KIAA1328: variants seen among roughly 807,000 people sequenced by gnomAD.
KIAA1328 encodes KIAA1328, also known as protein hinderin.
In KIAA1328, 52 loss-of-function variants were observed where a neutral mutation model predicts 68.1. The ratio of observed to expected loss-of-function variants is 0.76; its 90% CI spans 0.61 to 0.96. The LOEUF (loss-of-function observed/expected upper bound fraction) is 0.96, where lower values mean the gene tolerates loss of function less well. Among genes scored for constraint, KIAA1328 ranks in the 40% least tolerant of loss-of-function variants. KIAA1328 has a pLI of 0.00. For synonymous variants in KIAA1328, 232 were observed against 239.4 expected (o/e 0.97, Z 0.28); for missense variants, 641 against 677.6 (o/e 0.95, Z 0.60).
chr18:37,164,908 C>T (rs2059355755), intron 8 of KIAA1328, among the ~76,000 whole-genome samples: 1 of 152,036 alleles, frequency 6.6e-6, no homozygotes, highest in African/African-American at 2.4e-5. Flanking sequence ...TATGTACACC[C>T]GTGTAACCAC....
intron 7 of KIAA1328, among the ~76,000 whole-genome samples, chr18:37,109,590 G>T (rs2057871835): frequency 6.6e-6 from 1 of 152,104 alleles, no homozygotes. Flanking sequence ...GTGTATGAAA[G>T]TAGGGGTTAG....
intron 3 of KIAA1328, among the ~76,000 whole-genome samples, chr18:36,835,848 T>C (rs1400954197): frequency 6.6e-6 from 1 of 152,194 alleles, no homozygotes; most frequent in African/African-American, 2.4e-5. Flanking sequence ...TAATTTTTGT[T>C]ATATTTTCCC....
At chr18:37,054,401 G>A (rs1230321929) in intron 6 of KIAA1328, among the ~76,000 whole-genome samples, 2 of 152,068 alleles carry the variant, frequency 1.3e-5, no homozygotes, top group South Asian at 2.1e-4. Flanking sequence ...GCAAAGGTGT[G>A]GAATCAACCT....
intron 9 of KIAA1328, among the ~76,000 whole-genome samples, chr18:37,213,004 C>A (rs1481860446): frequency 6.6e-6 from 1 of 152,208 alleles, no homozygotes; most frequent in African/African-American, 2.4e-5. Flanking sequence ...CAGGCGTGCG[C>A]CACTGCACAC....
At chr18:36,951,135 C>A (rs887512768) in intron 5 of KIAA1328, among the ~76,000 whole-genome samples, 1 of 152,174 alleles carries the variant, frequency 6.6e-6, no homozygotes, top group Non-Finnish European at 1.5e-5. Context: ...ACAGTTGGAA[C>A]ATTCCTTTCT....
chr18:36,954,710 T>TC (rs2051330498), intron 5 of KIAA1328, among the ~76,000 whole-genome samples: 1 of 151,974 alleles, frequency 6.6e-6, no homozygotes, highest in Non-Finnish European at 1.5e-5. Context: ...TTTTTTCTTT[T>TC]TGAGACGGAG....
chr18:37,066,794 C>A, intron 6 of KIAA1328, 96 bp from the exon 7 acceptor site: 1 of 1,160,780 alleles, frequency 8.6e-7, no homozygotes, highest in Non-Finnish European at 1.2e-6. Context: ...ACAGCTTTGG[C>A]TTGGTAAATA....
chr18:37,218,546 G>T (rs1169550936), intron 9 of KIAA1328, among the ~76,000 whole-genome samples: 1 of 152,068 alleles, frequency 6.6e-6, no homozygotes, highest in Non-Finnish European at 1.5e-5. Flanking sequence ...ACAAGGTTAG[G>T]CGTTACACAT....
intron 7 of KIAA1328, among the ~76,000 whole-genome samples, chr18:37,085,908 A>G (rs544207412): frequency 4.6e-5 from 7 of 152,282 alleles, no homozygotes; most frequent in African/African-American, 1.7e-4. Flanking sequence ...CAAAATATTT[A>G]TAAGATTGTA....
intron 4 of KIAA1328, among the ~76,000 whole-genome samples, chr18:36,867,939 G>A (rs909759045): frequency 2.6e-5 from 4 of 152,154 alleles, no homozygotes; most frequent in Non-Finnish European, 5.9e-5. Flanking sequence ...GAAATCTCTG[G>A]TTCATAATTA....
intron 6 of KIAA1328, among the ~76,000 whole-genome samples, chr18:36,968,446 A>T (rs2052033648): frequency 6.6e-6 from 1 of 152,244 alleles, no homozygotes; most frequent in African/African-American, 2.4e-5. Flanking sequence ...AATAAAAAAC[A>T]GAAAAAAGTA....
intron 6 of KIAA1328, among the ~76,000 whole-genome samples, chr18:36,974,977 G>A (rs955701232): frequency 2.0e-5 from 3 of 152,012 alleles, no homozygotes; most frequent in Non-Finnish European, 4.4e-5. Context: ...CAGTTCTATC[G>A]GTCATGGTAT....
chr18:37,022,691 A>T (rs2054394119), intron 6 of KIAA1328, among the ~76,000 whole-genome samples: 1 of 152,194 alleles, frequency 6.6e-6, no homozygotes, highest in Non-Finnish European at 1.5e-5. Flanking sequence ...CTAGAGACCT[A>T]TCATAGTGTC....
chr18:36,953,901 C>T (rs1487828123), intron 5 of KIAA1328, among the ~76,000 whole-genome samples: 1 of 152,046 alleles, frequency 6.6e-6, no homozygotes, highest in Non-Finnish European at 1.5e-5. Flanking sequence ...AGGCCTCCTA[C>T]CCCAAACCTT....
Position 37,013,234 on chromosome 18 carries a change from A to G in KIAA1328, c.577-53656A>G, listed in dbSNP as rs2054036965. ...AACAAGAGCTCAACTAGGGAGTTAGATCACCTAAGTATAATATTTAGTGCC... is the reference window on the plus strand; with the variant it reads ...AACAAGAGCTCAACTAGGGAGTTAGGTCACCTAAGTATAATATTTAGTGCC... On this transcript the variant is annotated intron_variant, in intron 6 of 9. Coordinates refer to ENST00000280020, the MANE Select transcript of KIAA1328 (RefSeq NM_020776.3). 2.0e-5 allele frequency among the ~76,000 whole-genome samples: 3 copies of G among 152,182 alleles called. No individual in the cohort carries two copies. In the South Asian group the frequency reaches 6.2e-4, roughly 32 times the overall value.
chr18:37,054,870 G>A (rs1176064352), intron 6 of KIAA1328, among the ~76,000 whole-genome samples: 1 of 152,194 alleles, frequency 6.6e-6, no homozygotes, highest in Non-Finnish European at 1.5e-5. Context: ...TGTTAAAAAT[G>A]TTGACAGGCC....
At chr18:36,864,083 T>C (rs1261251313) in intron 4 of KIAA1328, among the ~76,000 whole-genome samples, 1 of 152,190 alleles carries the variant, frequency 6.6e-6, no homozygotes, top group African/African-American at 2.4e-5. Context: ...CCTTGCTATG[T>C]TCTTGATTTT....
intron 4 of KIAA1328, among the ~76,000 whole-genome samples, chr18:36,878,430 C>G (rs750984141): frequency 6.6e-6 from 1 of 152,178 alleles, no homozygotes; most frequent in Non-Finnish European, 1.5e-5. Flanking sequence ...ACCTTTCTCT[C>G]TGGCTGCCCT....
At chr18:37,197,313 A>G (rs2060022536) in intron 9 of KIAA1328, among the ~76,000 whole-genome samples, 1 of 151,598 alleles carries the variant, frequency 6.6e-6, no homozygotes, top group Non-Finnish European at 1.5e-5. Context: ...TCTCAATTTC[A>G]TTTATTTCTG....
Sources: allele counts gnomAD v4.1 joint callset (sites outside exome capture counted in the v4.1 genomes callset), GRCh38; gene constraint gnomAD v4.1.1; transcripts MANE v1.5; gene names NCBI Gene and HGNC (gene_info 2026-07-23, HGNC 2026-07-21).